Variants in HIVEP2 observed in about 807,000 individuals in gnomAD.
HIVEP2 encodes transcription factor HIVEP2.
HIVEP2 carries 14 observed loss-of-function variants against 180.7 expected under a neutral mutation model. That is an observed-to-expected ratio of 0.08 (90% CI 0.05 to 0.12). The LOEUF is 0.12. Ranked by LOEUF, HIVEP2 falls within the 10% of genes least tolerant of loss-of-function variation. HIVEP2 has a pLI of 1.00. For synonymous variants in HIVEP2, 1,184 were observed against 1,136.4 expected (o/e 1.04, Z -0.84); for missense variants, 2,579 against 3,008.5 (o/e 0.86, Z 3.34).
At chr6:142,791,392 T>A (rs1485461380) in intron 2 of HIVEP2, among the ~76,000 whole-genome samples, 1 of 152,154 alleles carries the variant, frequency 6.6e-6, no homozygotes, top group Non-Finnish European at 1.5e-5. Flanking sequence ...AGATAAAGAT[T>A]TATTATTAAC....
chr6:142,907,268 T>C (rs1377676060), intron 1 of HIVEP2, among the ~76,000 whole-genome samples: 1 of 152,202 alleles, frequency 6.6e-6, no homozygotes, highest in Non-Finnish European at 1.5e-5. Context: ...CCAAATCACA[T>C]TGTTTGAATA....
Position 142,812,646 on chromosome 6 carries a change from C to G in HIVEP2, c.-528+24289G>C, listed in dbSNP as rs1019971682. On this transcript the variant is annotated intron_variant, in intron 2 of 9. Coordinates refer to ENST00000367603, the MANE Select transcript of HIVEP2 (RefSeq NM_006734.4). The stretch of plus-strand genomic sequence containing the variant: ...GACCTATAAAGAGGAGAAAAATTAA[C>G]TGATCAGAACCGACCCAGATGATAG... 5.9e-5 allele frequency among the ~76,000 whole-genome samples: 9 copies of G among 152,122 alleles called. 1 individual carries two copies. Among genetic ancestry groups the G allele is most frequent in the Non-Finnish European group, 1.2e-4 (8 of 68,024 alleles).
intron 1 of HIVEP2, among the ~76,000 whole-genome samples, chr6:142,873,738 A>G (rs1184948130): frequency 1.3e-5 from 2 of 152,122 alleles, no homozygotes; most frequent in Non-Finnish European, 2.9e-5. Flanking sequence ...ATCCTGGCCC[A>G]TGGGAATTTT....
In HIVEP2 at chr6:142,753,335, G is replaced by C; in HGVS notation, c.7113C>G (p.His2371Gln). Residue 2371 changes from histidine to glutamine, a missense_variant, in exon 10 of 10, where the codon CAC becomes CAG. His to Gln is a conservative substitution (Grantham distance 24). Coordinates refer to ENST00000367603, the MANE Select transcript of HIVEP2 (RefSeq NM_006734.4). ...PLGSAHVSIR[H>Q]FSRPEPGQPC... ...GCTGACCTGGCTCAGGTCTACTAAA[G>C]TGTCTAATGCTAACATGTGCACTTC... is the stretch of plus-strand genomic sequence containing the variant. 1 of 1,614,188 alleles carries C rather than the reference G, an allele frequency of 6.2e-7. No individual in the cohort carries two copies. The highest frequency in any genetic ancestry group is 8.5e-7 in the Non-Finnish European group (1 of 1,180,024).
intron 1 of HIVEP2, among the ~76,000 whole-genome samples, chr6:142,844,118 A>C (rs1251956440): frequency 6.6e-6 from 1 of 152,140 alleles, no homozygotes; most frequent in African/African-American, 2.4e-5. Context: ...TGGGAAGAAA[A>C]CATATCCAGA....
At chr6:142,881,816 A>G (rs1180660104) in intron 1 of HIVEP2, among the ~76,000 whole-genome samples, 3 of 152,142 alleles carry the variant, frequency 2.0e-5, no homozygotes, top group Non-Finnish European at 2.9e-5. Flanking sequence ...CCTTCCTAAA[A>G]GCCACCATTC....
At chr6:142,807,788 C>A (rs1442568429) in intron 2 of HIVEP2, among the ~76,000 whole-genome samples, 1 of 152,122 alleles carries the variant, frequency 6.6e-6, no homozygotes, top group East Asian at 1.9e-4. Flanking sequence ...GGCCAGGAGG[C>A]CACCAGCTGG....
intron 5 of HIVEP2, among the ~76,000 whole-genome samples, chr6:142,768,958 C>A (rs1158305156): frequency 6.6e-6 from 1 of 152,026 alleles, no homozygotes; most frequent in Non-Finnish European, 1.5e-5. Context: ...CTATTTGCCT[C>A]CTTATTAATT....
Position 142,753,413 on chromosome 6 carries a change from CA to C in HIVEP2, c.7034del (p.Leu2345ArgfsTer60). ...SLRIATEEAA[L>X]LGPDQPARVQ... ...CCCGCGCTGGCTGATCTGGCCCGAGCAGAGCTGCCTCTTCCGTGGCAATCCG... is the reference window on the plus strand; with the variant it reads ...CCCGCGCTGGCTGATCTGGCCCGAGCGAGCTGCCTCTTCCGTGGCAATCCG... On this transcript the variant is annotated frameshift_variant, in exon 10 of 10. Transcript: ENST00000367603. LOFTEE classifies it high-confidence loss of function. 1 of 1,613,986 alleles carries C rather than the reference CA, an allele frequency of 6.2e-7. No individual in the cohort carries two copies. The highest frequency in any genetic ancestry group is 8.5e-7 in the Non-Finnish European group (1 of 1,180,044).
chr6:142,908,578 C>A (rs1027975596), intron 1 of HIVEP2, among the ~76,000 whole-genome samples: 6 of 151,826 alleles, frequency 4.0e-5, no homozygotes, highest in Non-Finnish European at 7.4e-5. Context: ...TTGGCTGGGA[C>A]CTTTGATTGG....
rs1562269218 is a variant in HIVEP2, at chr6:142,862,446, TATAATC to T, written c.-640-25405_-640-25400del. On this transcript the variant is annotated intron_variant, in intron 1 of 9. Transcript: ENST00000367603. ...CATGTATCATATATTTTATAATACA[TATAATC>T]GATTATATGTATCATATATTTTATA... Among the ~76,000 whole-genome samples, 201 of 114,654 alleles carry T rather than the reference TATAATC, an allele frequency of 1.8e-3. 2 individuals carry two copies. The Middle Eastern group carries it at 0.037, about 21-fold the overall frequency. 75.2% of individuals were successfully genotyped at this position (114,654 alleles called of 152,430 possible). A position where few individuals can be genotyped will look rare whatever the true frequency, so the allele number is the denominator to read the frequency against.
chr6:142,802,425 A>G (rs1776436304), intron 2 of HIVEP2, among the ~76,000 whole-genome samples: 1 of 152,140 alleles, frequency 6.6e-6, no homozygotes, highest in Non-Finnish European at 1.5e-5. Flanking sequence ...GTAAACAGCC[A>G]GCCAGTCTCT....
intron 9 of HIVEP2, among the ~76,000 whole-genome samples, chr6:142,755,855 C>T (rs1775051796): frequency 6.6e-6 from 1 of 152,190 alleles, no homozygotes; most frequent in African/African-American, 2.4e-5. Flanking sequence ...CTGCTCCAAG[C>T]CCCACCAGGC....
At chr6:142,793,633 T>TTCC (rs1776196592) in intron 2 of HIVEP2, among the ~76,000 whole-genome samples, 1 of 38,292 alleles carries the variant, frequency 2.6e-5, no homozygotes, top group Non-Finnish European at 4.9e-5. Context: ...TCTTTCTTTC[T>TTCC]TTCTTTCTTT....
At chr6:142,912,627 C>T (rs927128442) in intron 1 of HIVEP2, among the ~76,000 whole-genome samples, 11 of 152,244 alleles carry the variant, frequency 7.2e-5, no homozygotes, top group African/African-American at 2.7e-4. Flanking sequence ...GCCTGAGCTC[C>T]ACCTCCTATC....
At chr6:142,853,884 A>G (rs924509014) in intron 1 of HIVEP2, among the ~76,000 whole-genome samples, 1 of 152,196 alleles carries the variant, frequency 6.6e-6, no homozygotes, top group Admixed American at 6.5e-5. Context: ...CAGAAGCTAG[A>G]GCAGCCTTTG....
intron 2 of HIVEP2, among the ~76,000 whole-genome samples, chr6:142,817,645 C>A (rs1006122116): frequency 6.6e-6 from 1 of 152,154 alleles, no homozygotes; most frequent in Middle Eastern, 3.4e-3. Context: ...GACAAGGCAA[C>A]GGAAGAACAC....
intron 2 of HIVEP2, among the ~76,000 whole-genome samples, chr6:142,806,890 G>C (rs1313888711): frequency 6.6e-6 from 1 of 152,130 alleles, no homozygotes; most frequent in Non-Finnish European, 1.5e-5. Context: ...AGGATCCACG[G>C]TCCCTCTGGC....
At chr6:142,802,448 C>T (rs995822471) in intron 2 of HIVEP2, among the ~76,000 whole-genome samples, 7 of 151,940 alleles carry the variant, frequency 4.6e-5, no homozygotes, top group Non-Finnish European at 8.8e-5. Flanking sequence ...CACCCTCATA[C>T]TCGAAATTTA....
Sources: allele counts gnomAD v4.1 joint callset (sites outside exome capture counted in the v4.1 genomes callset), GRCh38; gene constraint gnomAD v4.1.1; transcripts MANE v1.5; gene names NCBI Gene and HGNC (gene_info 2026-07-23, HGNC 2026-07-21).